Variants in LRRC7 observed in about 807,000 individuals in gnomAD.
The protein encoded by LRRC7 is leucine-rich repeat-containing protein 7.
LRRC7 carries 23 observed loss-of-function variants against 175.7 expected under a neutral mutation model. The ratio of observed to expected loss-of-function variants is 0.13; its 90% CI spans 0.09 to 0.19. The LOEUF (loss-of-function observed/expected upper bound fraction) is 0.19, where lower values mean the gene tolerates loss of function less well. Among genes scored for constraint, LRRC7 ranks in the 10% least tolerant of loss-of-function variants. The pLI, the probability that LRRC7 is intolerant of heterozygous loss-of-function variation, is 1.00. For synonymous variants in LRRC7, 685 were observed against 680.9 expected (o/e 1.01, Z -0.09); for missense variants, 1,354 against 1,904.7 (o/e 0.71, Z 5.38).
intron 1 of LRRC7, among the ~76,000 whole-genome samples, chr1:69,620,881 A>C (rs186164856): frequency 2.3e-3 from 347 of 152,260 alleles, no homozygotes; most frequent in Non-Finnish European, 3.1e-3. Flanking sequence ...AATACTCACA[A>C]ATATCTTATG....
intron 1 of LRRC7, among the ~76,000 whole-genome samples, chr1:69,571,233 A>T (rs1383786976): frequency 6.6e-6 from 1 of 152,210 alleles, no homozygotes; most frequent in African/African-American, 2.4e-5. Context: ...TGCAGCTTAG[A>T]ATTAGAAACA....
At chr1:69,972,905 T>C (rs1163222820) in intron 8 of LRRC7, among the ~76,000 whole-genome samples, 1 of 147,512 alleles carries the variant, frequency 6.8e-6, no homozygotes, top group Non-Finnish European at 1.5e-5. Flanking sequence ...AAACTGTTTA[T>C]ATATAACTAT....
At chr1:69,792,244 A>C (rs1474454169) in intron 4 of LRRC7, 84 bp downstream of exon 4, 1 of 794,032 alleles carries the variant, frequency 1.3e-6, no homozygotes, top group Non-Finnish European at 2.1e-6. Context: ...AAATAATCTA[A>C]AATAACTTTT....
chr1:69,806,541 CT>C (rs1677135378), intron 4 of LRRC7, among the ~76,000 whole-genome samples: 1 of 151,844 alleles, frequency 6.6e-6, no homozygotes, highest in Non-Finnish European at 1.5e-5. Flanking sequence ...CCTATTTTTT[CT>C]TCTAGTATAC....
At chr1:69,600,995 T>C (rs1019472881) in intron 1 of LRRC7, among the ~76,000 whole-genome samples, 2 of 152,066 alleles carry the variant, frequency 1.3e-5, no homozygotes, top group Non-Finnish European at 2.9e-5. Flanking sequence ...TTTGTACTTT[T>C]AGTAGAGACG....
Position 69,781,767 on chromosome 1 carries a change from A to AG in LRRC7, c.304-10276_304-10275insG, listed in dbSNP as rs1557719914. On this transcript the variant is annotated intron_variant, in intron 3 of 26. Coordinates refer to ENST00000651989, the MANE Select transcript of LRRC7 (RefSeq NM_001370785.2). ...AGAGAGAGAGAGAGAGAGAGAGAGA[A>AG]AGAAAGAAAGAAAGAAAGAAAGGAA... Among the ~76,000 whole-genome samples, 66 of 28,838 alleles carry AG rather than the reference A, an allele frequency of 2.3e-3. 3 individuals carry two copies. The highest frequency in any genetic ancestry group is 6.7e-3 in the East Asian group (4 of 600). 18.9% of individuals were successfully genotyped at this position (28,838 alleles called of 152,430 possible).
chr1:69,707,690 G>A (rs1016537851), intron 2 of LRRC7, among the ~76,000 whole-genome samples: 2 of 152,096 alleles, frequency 1.3e-5, no homozygotes, highest in African/African-American at 4.8e-5. Context: ...TTGCCCCCAA[G>A]TCAAACATGC....
chr1:69,812,271 G>C (rs1222972028), intron 4 of LRRC7, among the ~76,000 whole-genome samples: 1 of 152,086 alleles, frequency 6.6e-6, no homozygotes, highest in Non-Finnish European at 1.5e-5. Context: ...TTAAATCCTA[G>C]ATTTGATGGA....
Position 70,136,804 on chromosome 1 carries a change from A to G in LRRC7, c.*14917A>G, listed in dbSNP as rs146892753. On this transcript the variant is annotated 3_prime_UTR_variant, in exon 27 of 27. Transcript: ENST00000651989. ...GAGTGCAGTGGCATGATCATGGCCC[A>G]CTGCAGCCTTGACCACCTGGGCTCA... is the stretch of plus-strand genomic sequence containing the variant. 2.8e-4 allele frequency among the ~76,000 whole-genome samples: 37 copies of G among 129,912 alleles called. No homozygotes were observed. The East Asian group carries it at 5.1e-3, about 18-fold the overall frequency. The allele number at this position is 129,912 out of a possible 152,430, so 85.2% of individuals were successfully genotyped here. A position where few individuals can be genotyped will look rare whatever the true frequency, so the allele number is the denominator to read the frequency against.
At chr1:70,112,734 A>G (rs1665604569) in intron 26 of LRRC7, among the ~76,000 whole-genome samples, 1 of 151,996 alleles carries the variant, frequency 6.6e-6, no homozygotes, top group South Asian at 2.1e-4. Context: ...CTGGTTGTGG[A>G]GGGAGGTGAA....
chr1:70,124,163 T>G lies in LRRC7; in HGVS notation c.*2276T>G, dbSNP rs1334807797. On this transcript the variant is annotated 3_prime_UTR_variant, in exon 27 of 27. Coordinates refer to ENST00000651989, the MANE Select transcript of LRRC7 (RefSeq NM_001370785.2). ...TCCTTGACCAACTGGAAAAGTTATC[T>G]GATATGCCAAAGCACCTCACTGTCA... Among the ~76,000 whole-genome samples, 2 of 152,212 alleles carry G rather than the reference T, an allele frequency of 1.3e-5. No homozygotes were observed. Among genetic ancestry groups the G allele is most frequent in the Non-Finnish European group, 2.9e-5 (2 of 68,034 alleles).
In LRRC7 at chr1:70,133,068, T is replaced by C. The variant is rs573849025; in HGVS notation, c.*11181T>C. ...GACAAATACTATCCTCATATTTAGT[T>C]GTACACATCCGCATACTCTTTTAAA... is the stretch of plus-strand genomic sequence containing the variant. On this transcript the variant is annotated 3_prime_UTR_variant, in exon 27 of 27. Transcript: ENST00000651989. Among the ~76,000 whole-genome samples, 59 of 152,320 alleles carry C rather than the reference T, an allele frequency of 3.9e-4. 1 individual carries two copies. In the South Asian group the frequency reaches 0.012, roughly 32 times the overall value.
Position 69,876,094 on chromosome 1 carries a change from G to A in LRRC7, c.647+37811G>A, listed in dbSNP as rs139175678. Among the ~76,000 whole-genome samples the A allele has an allele frequency of 4.2e-3, 632 of 152,198 alleles. 5 individuals carry two copies. The highest frequency in any genetic ancestry group is 0.014 in the African/African-American group (573 of 41,538). On this transcript the variant is annotated intron_variant, in intron 7 of 26. Coordinates refer to ENST00000651989, the MANE Select transcript of LRRC7 (RefSeq NM_001370785.2). ...AAGCCAGTTGTTATGCCTTTTAGGA[G>A]TGCCTCAGAGAATAGAATACATATG... is the stretch of plus-strand genomic sequence containing the variant.
intron 5 of LRRC7, among the ~76,000 whole-genome samples, chr1:69,826,052 C>T (rs1381969094): frequency 6.6e-6 from 1 of 152,040 alleles, no homozygotes; most frequent in Non-Finnish European, 1.5e-5. Flanking sequence ...GACTTTGAAA[C>T]AAACTTTGTC....
At chr1:69,740,408 G>A (rs1668585511) in intron 2 of LRRC7, among the ~76,000 whole-genome samples, 4 of 151,948 alleles carry the variant, frequency 2.6e-5, no homozygotes, top group African/African-American at 9.7e-5. Context: ...CCTCAACTTT[G>A]TGACCTCTCT....
At chr1:69,955,556 G>T (rs536802119) in intron 8 of LRRC7, among the ~76,000 whole-genome samples, 34 of 151,842 alleles carry the variant, frequency 2.2e-4, no homozygotes, top group Non-Finnish European at 3.8e-4. Flanking sequence ...AACTCTTCGG[G>T]ACTTCAAGTT....
intron 1 of LRRC7, among the ~76,000 whole-genome samples, chr1:69,577,896 G>C (rs1429101730): frequency 2.0e-5 from 3 of 152,098 alleles, no homozygotes; most frequent in African/African-American, 7.2e-5. Flanking sequence ...CTTTAAAGTA[G>C]TTTTTTCCAA....
At chr1:69,689,043 C>A (rs1264071387) in intron 2 of LRRC7, among the ~76,000 whole-genome samples, 1 of 152,146 alleles carries the variant, frequency 6.6e-6, no homozygotes, top group South Asian at 2.1e-4. Flanking sequence ...GACTTCCAGG[C>A]ACCTATAAAT....
At position 69,734,056 on chromosome 1, in the gene LRRC7, C is replaced by T. The variant is rs142660890; in HGVS notation, c.101-26135C>T. On this transcript the variant is annotated intron_variant, in intron 2 of 26. Coordinates refer to ENST00000651989, the MANE Select transcript of LRRC7 (RefSeq NM_001370785.2). ...GCTTGAAATGACATAAATAGCAAAA[C>T]ATTAAGGTTGGGAGTGTCACATATA... is the stretch of plus-strand genomic sequence containing the variant. Among the ~76,000 whole-genome samples, 544 of 152,008 alleles carry T rather than the reference C, an allele frequency of 3.6e-3. 2 individuals are homozygous for T. The highest frequency in any genetic ancestry group is 5.9e-3 in the Non-Finnish European group (401 of 67,884).
Sources: allele counts gnomAD v4.1 joint callset (sites outside exome capture counted in the v4.1 genomes callset), GRCh38; gene constraint gnomAD v4.1.1; transcripts MANE v1.5; gene names NCBI Gene and HGNC (gene_info 2026-07-23, HGNC 2026-07-21).